Variants in TYW1 observed in about 807,000 individuals in gnomAD.
The protein encoded by TYW1 is tRNA-yW synthesizing protein 1 homolog, also known as S-adenosyl-L-methionine-dependent tRNA 4-demethylwyosine synthase TYW1.
TYW1 carries 46 observed loss-of-function variants against 96.2 expected under a neutral mutation model. The ratio of observed to expected loss-of-function variants is 0.48; its 90% confidence interval spans 0.38 to 0.61. TYW1 has a LOEUF of 0.61. TYW1 is among the 20% of genes least tolerant of loss of function. The probability of loss-of-function intolerance (pLI) is 0.00; values close to 1 mark genes in which losing one functional copy is unlikely to be tolerated. For missense variants in TYW1, 684 were observed against 909.6 expected (o/e 0.75, Z 3.19); for synonymous variants, 274 against 323.0 (o/e 0.85, Z 1.63).
chr7:67,069,776 C>T (rs1202500425), intron 10 of TYW1, among the ~76,000 whole-genome samples: 3 of 152,070 alleles, frequency 2.0e-5, no homozygotes, highest in African/African-American at 7.2e-5. Context: ...AACAAAAATC[C>T]AAAAATACAA....
intron 13 of TYW1, among the ~76,000 whole-genome samples, chr7:67,170,491 A>T (rs1010937803): frequency 3.9e-5 from 6 of 152,244 alleles, no homozygotes; most frequent in African/African-American, 1.4e-4. Flanking sequence ...ACAGGGATTT[A>T]AAATTTTGTA....
At chr7:67,070,145 G>A (rs1289333169) in intron 10 of TYW1, among the ~76,000 whole-genome samples, 2 of 152,034 alleles carry the variant, frequency 1.3e-5, no homozygotes, top group Non-Finnish European at 2.9e-5. Flanking sequence ...CTTCTCTCTC[G>A]CTTCTTTCAA....
At chr7:67,218,506 A>G (rs1801276094) in intron 15 of TYW1, among the ~76,000 whole-genome samples, 1 of 152,022 alleles carries the variant, frequency 6.6e-6, no homozygotes, top group African/African-American at 2.4e-5. Context: ...AGTGCATGCC[A>G]TCACAACTGG....
intron 15 of TYW1, among the ~76,000 whole-genome samples, chr7:67,200,383 A>G (rs2116359101): frequency 6.6e-6 from 1 of 152,298 alleles, no homozygotes; most frequent in African/African-American, 2.4e-5. Flanking sequence ...TCACAGTTCC[A>G]CATGGCTGGG....
intron 13 of TYW1, among the ~76,000 whole-genome samples, chr7:67,140,220 T>G (rs1033193666): frequency 2.0e-5 from 3 of 152,224 alleles, no homozygotes; most frequent in Non-Finnish European, 4.4e-5. Flanking sequence ...CCACAACATG[T>G]GGGAATTCAA....
At chr7:67,202,026 C>T (rs1277128429) in intron 15 of TYW1, among the ~76,000 whole-genome samples, 2 of 152,238 alleles carry the variant, frequency 1.3e-5, no homozygotes, top group Non-Finnish European at 2.9e-5. Context: ...AGTGAGTACT[C>T]TGTTCCCACT....
At chr7:67,061,411 C>T (rs1470476255) in intron 9 of TYW1, among the ~76,000 whole-genome samples, 6 of 152,140 alleles carry the variant, frequency 3.9e-5, no homozygotes, top group Non-Finnish European at 8.8e-5. Flanking sequence ...TACAGTTTTT[C>T]TATAGAGACA....
rs1375271765 is a variant in TYW1, at chr7:67,179,932, A to G, written c.1699-3194A>G. On this transcript the variant is annotated intron_variant, in intron 13 of 15. Coordinates refer to ENST00000359626, the MANE Select transcript of TYW1 (RefSeq NM_018264.4). Reference sequence around the variant, plus strand: ...CAGGCTGGAGTGCGTTGGTGTGATCATGGCTCACGGCAGCCTCCACCTCCC... The same window carrying G: ...CAGGCTGGAGTGCGTTGGTGTGATCGTGGCTCACGGCAGCCTCCACCTCCC... 2.9e-5 allele frequency among the ~76,000 whole-genome samples: 3 copies of G among 102,872 alleles called. 1 individual carries two copies. The highest frequency in any genetic ancestry group is 6.1e-5 in the Non-Finnish European group (3 of 49,000). 67.5% of individuals were successfully genotyped at this position (102,872 alleles called of 152,430 possible).
At chr7:67,045,702 C>T (rs2129259122) in intron 7 of TYW1, among the ~76,000 whole-genome samples, 1 of 152,264 alleles carries the variant, frequency 6.6e-6, no homozygotes, top group Middle Eastern at 3.4e-3. Context: ...CATGTCAGGC[C>T]ACTGCAGCTT....
At chr7:67,106,412 A>T (rs540402305) in intron 12 of TYW1, among the ~76,000 whole-genome samples, 46 of 152,034 alleles carry the variant, frequency 3.0e-4, no homozygotes, top group African/African-American at 1.1e-3. Context: ...GCTGCGATGG[A>T]AGACTCCATA....
intron 15 of TYW1, among the ~76,000 whole-genome samples, chr7:67,217,113 TTTG>T (rs775846662): frequency 1.3e-4 from 19 of 147,980 alleles, no homozygotes; most frequent in African/African-American, 3.0e-4. Context: ...GAATTGGGAT[TTTG>T]TTGTTGTTGT....
intron 5 of TYW1, among the ~76,000 whole-genome samples, chr7:67,015,526 A>AT (rs1267981317): frequency 2.0e-5 from 3 of 151,628 alleles, no homozygotes; most frequent in African/African-American, 4.9e-5. Context: ...TAATCTTTCA[A>AT]TTTTTTTAGA....
intron 7 of TYW1, among the ~76,000 whole-genome samples, chr7:67,037,708 C>T (rs1794885094): frequency 6.6e-6 from 1 of 152,000 alleles, no homozygotes; most frequent in African/African-American, 2.4e-5. Context: ...GCGACTCTGC[C>T]TGTAATCCCA....
chr7:67,100,850 CA>C (rs57665696), intron 12 of TYW1, among the ~76,000 whole-genome samples: 2,376 of 75,594 alleles, frequency 0.031, 29 homozygotes, highest in East Asian at 0.13. Context: ...GGCTACAGAG[CA>C]AAAAAAAAAA....
At chr7:67,167,468 C>CAAAAAAAAAAAAAA (rs869281504) in intron 13 of TYW1, among the ~76,000 whole-genome samples, 1 of 78,804 alleles carries the variant, frequency 1.3e-5, no homozygotes, top group Non-Finnish European at 2.3e-5. Flanking sequence ...GACTCTGTCT[C>CAAAAAAAAAAAAAA]AAAAAAAAAA....
At chr7:67,146,461 G>A (rs1220558520) in intron 13 of TYW1, among the ~76,000 whole-genome samples, 5 of 132,972 alleles carry the variant, frequency 3.8e-5, no homozygotes, top group Admixed American at 2.2e-4. Context: ...TTTTCTGATA[G>A]GAGAGATGAA....
rs191750426 is a variant in TYW1 at position 67,128,909 on chromosome 7, G to T, written c.1698+11291G>T. On this transcript the variant is annotated intron_variant, in intron 13 of 15. Coordinates refer to ENST00000359626, the MANE Select transcript of TYW1 (RefSeq NM_018264.4). Reference sequence around the variant, plus strand: ...TTACCATGTTGGGCAGGCTAGTCTTGAACTCCTAACCTCAAATGATCCACC... The same window carrying T: ...TTACCATGTTGGGCAGGCTAGTCTTTAACTCCTAACCTCAAATGATCCACC... Among the ~76,000 whole-genome samples, 6 of 152,166 alleles carry T rather than the reference G, an allele frequency of 3.9e-5. No individual in the cohort carries two copies. The South Asian group carries it at 6.2e-4, about 16-fold the overall frequency.
intron 10 of TYW1, among the ~76,000 whole-genome samples, chr7:67,069,676 G>A (rs535638772): frequency 4.5e-4 from 69 of 151,976 alleles, no homozygotes; most frequent in African/African-American, 1.6e-3. Flanking sequence ...GAGGTGGAGG[G>A]TGCAATGAGC....
At chr7:67,212,327 CAT>C (rs1801061369) in intron 15 of TYW1, among the ~76,000 whole-genome samples, 1 of 91,234 alleles carries the variant, frequency 1.1e-5, no homozygotes, top group Non-Finnish European at 2.2e-5. Flanking sequence ...CTTGATAGCT[CAT>C]TTTTTTTTTT....
Sources: allele counts gnomAD v4.1 joint callset (sites outside exome capture counted in the v4.1 genomes callset), GRCh38; gene constraint gnomAD v4.1.1; transcripts MANE v1.5; gene names NCBI Gene and HGNC (gene_info 2026-07-23, HGNC 2026-07-21).